The following TERB1 variants were observed in gnomAD, a reference collection of about 807,000 sequenced individuals.
TERB1 encodes telomere repeats-binding bouquet formation protein 1.
In TERB1, 63 loss-of-function variants were observed where a neutral mutation model predicts 92.3. That is an observed-to-expected ratio of 0.68 (90% confidence interval 0.56 to 0.84). The LOEUF (loss-of-function observed/expected upper bound fraction) is 0.84. TERB1 is among the 40% of genes least tolerant of loss of function. The pLI, the probability that TERB1 is intolerant of heterozygous loss-of-function variation, is 0.00. For missense variants in TERB1, 709 were observed against 843.7 expected (o/e 0.84, Z 1.98); for synonymous variants, 252 against 283.9 (o/e 0.89, Z 1.13).
At chr16:66,763,515 A>T (rs761737973) in intron 16 of TERB1, among the ~76,000 whole-genome samples, 7 of 152,194 alleles carry the variant, frequency 4.6e-5, no homozygotes, top group Non-Finnish European at 7.3e-5. Context: ...TGAAGGTAGT[A>T]TTGTATGTTT....
At position 66,759,197 on chromosome 16, in the gene TERB1, A is replaced by G; in HGVS notation, c.1874T>C (p.Val625Ala). The change falls in exon 17 of 19, where the codon GTG (valine) becomes GCG (alanine). Residue 625 changes from valine to alanine, a missense_variant. Physicochemically the swap from Val to Ala is moderately conservative, Grantham distance 64. Coordinates refer to ENST00000433154, the MANE Select transcript of TERB1 (RefSeq NM_001136505.2). Reference sequence around the variant, plus strand: ...ACTTTTATATCTGTCTTCAGCTTCCACAATGACTTTGTGACGATCACATTG... The same window carrying G: ...ACTTTTATATCTGTCTTCAGCTTCCGCAATGACTTTGTGACGATCACATTG... ...PYQCDRHKVIVEAEDRYKSEL... is the reference protein window; with the variant it reads ...PYQCDRHKVIAEAEDRYKSEL... 1.9e-6 allele frequency: 3 copies of G among 1,550,798 alleles called. No individual in the cohort carries two copies. Among genetic ancestry groups the G allele is most frequent in the Non-Finnish European group, 2.6e-6 (3 of 1,146,744 alleles).
chr16:66,773,581 C>T (rs1265700235), intron 12 of TERB1, among the ~76,000 whole-genome samples: 2 of 152,122 alleles, frequency 1.3e-5, no homozygotes, highest in African/African-American at 4.8e-5. Flanking sequence ...ATAACAAATT[C>T]CTTTCTTTTC....
chr16:66,760,778 C>A, intron 16 of TERB1, among the ~76,000 whole-genome samples: 2 of 47,556 alleles, frequency 4.2e-5, no homozygotes, highest in East Asian at 7.4e-4. Flanking sequence ...AGCGAGACTC[C>A]ATCTCAAAAA....
At chr16:66,792,676 T>C (rs993751498) in intron 3 of TERB1, among the ~76,000 whole-genome samples, 1 of 152,228 alleles carries the variant, frequency 6.6e-6, no homozygotes, top group African/African-American at 2.4e-5. Context: ...ATCAACATCA[T>C]AGACTTTACT....
intron 6 of TERB1, among the ~76,000 whole-genome samples, chr16:66,787,407 G>A (rs1360468666): frequency 6.6e-6 from 1 of 151,826 alleles, no homozygotes; most frequent in Non-Finnish European, 1.5e-5. Context: ...GGGATTACAG[G>A]GATGATCCAC....
rs892698020 is a variant in TERB1, at chr16:66,777,087, G to GACT, written c.985+113_985+115dup. ...GAAATGACTAGTTTGAGGTCTGAAT[G>GACT]ACTAGGAGAAAAGCAATACTTTTAA... On this transcript the variant is annotated intron_variant, in intron 11 of 18. Transcript: ENST00000433154. The GACT allele has an allele frequency of 3.0e-5, 29 of 958,058 alleles. No individual in the cohort carries two copies. The African/African-American group carries it at 4.6e-4, about 15-fold the overall frequency. The allele number at this position is 958,058 out of a possible 1,614,324, so 59.3% of individuals were successfully genotyped here.
At chr16:66,780,135 G>A (rs1438585371) in intron 9 of TERB1, among the ~76,000 whole-genome samples, 1 of 152,208 alleles carries the variant, frequency 6.6e-6, no homozygotes, top group Non-Finnish European at 1.5e-5. Context: ...CCAAGGTGTT[G>A]GGATTACAGG....
At chr16:66,786,169 T>C (rs769771720) in intron 7 of TERB1, 40 bp from the exon 8 acceptor site, 5 of 1,529,116 alleles carry the variant, frequency 3.3e-6, no homozygotes, top group Non-Finnish European at 3.5e-6. Flanking sequence ...TTAATACAAA[T>C]GTGTTAAGGT....
intron 2 of TERB1, among the ~76,000 whole-genome samples, chr16:66,799,678 C>G (rs1959225624): frequency 6.6e-6 from 1 of 152,166 alleles, no homozygotes; most frequent in Admixed American, 6.5e-5. Context: ...AGCATTAACA[C>G]AAGTCATCTA....
chr16:66,795,170 A>G (rs1567480207), intron 3 of TERB1, among the ~76,000 whole-genome samples: 1 of 152,210 alleles, frequency 6.6e-6, no homozygotes. Flanking sequence ...ACATCTGTCC[A>G]AAGATGACAG....
rs1379282895 is a variant in TERB1 at position 66,774,988 on chromosome 16, T to C, written c.1111+130A>G. The C allele has an allele frequency of 3.1e-6, 3 of 969,224 alleles. No homozygotes were observed. The East Asian group carries it at 8.1e-5, about 26-fold the overall frequency. 60.0% of individuals were successfully genotyped at this position (969,224 alleles called of 1,614,324 possible). ...CTGGGATTACAGGCATGAGCCACTGTGCAGGGCCTAGTCTGCTTTTCAAAT... is the reference window on the plus strand; with the variant it reads ...CTGGGATTACAGGCATGAGCCACTGCGCAGGGCCTAGTCTGCTTTTCAAAT... On this transcript the variant is annotated intron_variant, in intron 12 of 18. Transcript: ENST00000433154.
intron 16 of TERB1, 73 bp from the exon 17 acceptor site, chr16:66,759,363 T>A: frequency 1.6e-6 from 2 of 1,223,258 alleles, no homozygotes; most frequent in Non-Finnish European, 2.2e-6. Flanking sequence ...ATAGCAAATA[T>A]CTATATGATG....
At chr16:66,794,888 C>T (rs369709792) in intron 3 of TERB1, among the ~76,000 whole-genome samples, 1 of 137,652 alleles carries the variant, frequency 7.3e-6, no homozygotes, top group South Asian at 2.4e-4. Flanking sequence ...CCAGCCTGGG[C>T]GACAGAGTGA....
intron 6 of TERB1, among the ~76,000 whole-genome samples, chr16:66,786,665 C>T (rs2145206451): frequency 6.6e-6 from 1 of 152,318 alleles, no homozygotes; most frequent in African/African-American, 2.4e-5. Flanking sequence ...GAAGGCGCCT[C>T]CTCAGGCCTC....
At chr16:66,793,039 A>G (rs1548537) in intron 3 of TERB1, among the ~76,000 whole-genome samples, 76,492 of 150,264 alleles carry the variant, frequency 0.51, 20,405 homozygotes, top group African/African-American at 0.65. Context: ...TTGCACTCCA[A>G]CCTGGACAAT....
At chr16:66,772,364 C>T (rs2018466949) in intron 13 of TERB1, among the ~76,000 whole-genome samples, 1 of 152,132 alleles carries the variant, frequency 6.6e-6, no homozygotes, top group African/African-American at 2.4e-5. Flanking sequence ...CATCTGTAAT[C>T]CCAGCTACTT....
At chr16:66,764,818 G>A (rs1463816088) in intron 16 of TERB1, among the ~76,000 whole-genome samples, 1 of 152,182 alleles carries the variant, frequency 6.6e-6, no homozygotes, top group Non-Finnish European at 1.5e-5. Context: ...TTAAAAGGAA[G>A]AAAGATGCTG....
At chr16:66,801,773 C>A (rs778016159), upstream of TERB1, among the ~76,000 whole-genome samples, 2 of 152,228 alleles carry the variant, frequency 1.3e-5, no homozygotes, top group Non-Finnish European at 2.9e-5. Context: ...AATCTCACCG[C>A]CCCCGGTTTT....
In TERB1 at chr16:66,770,234, G is replaced by T; in HGVS notation, c.1348C>A (p.Leu450Ile). ...CCTCGACCAATCCGATCTGCATGGAGATGTTTCCATGTATTCTGAATACTT... is the reference window on the plus strand; with the variant it reads ...CCTCGACCAATCCGATCTGCATGGATATGTTTCCATGTATTCTGAATACTT... ...NISIQNTWKH[L>I]HADRIGRGSK... Residue 450 changes from leucine (L) to isoleucine (I), a missense_variant, in exon 14 of 19, where the codon CTC becomes ATC. By Grantham distance (5) the Leu-to-Ile change is conservative. Coordinates refer to ENST00000433154, the MANE Select transcript of TERB1 (RefSeq NM_001136505.2). The T allele has an allele frequency of 6.4e-7, 1 of 1,551,950 alleles. No homozygotes were observed. Among genetic ancestry groups the T allele is most frequent in the Non-Finnish European group, 8.7e-7 (1 of 1,146,846 alleles).
Sources: allele counts gnomAD v4.1 joint callset (sites outside exome capture counted in the v4.1 genomes callset), GRCh38; gene constraint gnomAD v4.1.1; transcripts MANE v1.5; gene names NCBI Gene and HGNC (gene_info 2026-07-23, HGNC 2026-07-21).